KSR2: variants seen among roughly 807,000 people sequenced by gnomAD.
The protein encoded by KSR2 is kinase suppressor of ras 2.
KSR2 carries 25 observed loss-of-function variants against 107.8 expected under a neutral mutation model. The observed-to-expected ratio is 0.23, with a 90% confidence interval of 0.17 to 0.32. KSR2 has a LOEUF of 0.32. Among genes scored for constraint, KSR2 ranks in the 10% least tolerant of loss-of-function variants. The probability of loss-of-function intolerance (pLI) is 1.00; values close to 1 mark genes in which losing one functional copy is unlikely to be tolerated. For missense variants in KSR2, 887 were observed against 1,268.9 expected (o/e 0.70, Z 4.57); for synonymous variants, 480 against 507.0 (o/e 0.95, Z 0.71).
chr12:117,765,468 T>C (rs1889192336), intron 3 of KSR2, among the ~76,000 whole-genome samples: 1 of 152,146 alleles, frequency 6.6e-6, no homozygotes, highest in Admixed American at 6.5e-5. Flanking sequence ...TGGGGGCTCA[T>C]AAAATGGGAA....
At chr12:117,872,553 A>G (rs1893685252) in intron 1 of KSR2, among the ~76,000 whole-genome samples, 1 of 151,826 alleles carries the variant, frequency 6.6e-6, no homozygotes, top group African/African-American at 2.4e-5. Context: ...CAGCAGAGCA[A>G]GACGCTGTCT....
At chr12:117,587,588 T>C (rs568199400) in intron 5 of KSR2, among the ~76,000 whole-genome samples, 1 of 152,282 alleles carries the variant, frequency 6.6e-6, no homozygotes, top group African/African-American at 2.4e-5. Context: ...AGCCGCTGAG[T>C]TGGTGGCCGT....
intron 3 of KSR2, among the ~76,000 whole-genome samples, chr12:117,834,848 A>G (rs140156256): frequency 6.6e-6 from 1 of 152,222 alleles, no homozygotes; most frequent in Non-Finnish European, 1.5e-5. Flanking sequence ...ACAAATGCAA[A>G]GGTGGGAATT....
chr12:117,832,909 G>A (rs1463507516), intron 3 of KSR2, among the ~76,000 whole-genome samples: 3 of 152,218 alleles, frequency 2.0e-5, no homozygotes, highest in Non-Finnish European at 2.9e-5. Context: ...TGAAGTCCAC[G>A]GGCTTTCAGA....
chr12:117,882,964 A>G (rs966872123), intron 1 of KSR2, among the ~76,000 whole-genome samples: 1 of 151,614 alleles, frequency 6.6e-6, no homozygotes, highest in Non-Finnish European at 1.5e-5. Context: ...CAATCCAACC[A>G]TACATCCAAG....
intron 3 of KSR2, among the ~76,000 whole-genome samples, chr12:117,799,508 AAAG>A (rs1433690283): frequency 7.9e-5 from 12 of 152,088 alleles, no homozygotes. Context: ...CCAAAAAAAA[AAAG>A]AAAAAAAAAG....
At chr12:117,961,134 C>A (rs1896647210) in intron 1 of KSR2, among the ~76,000 whole-genome samples, 1 of 152,126 alleles carries the variant, frequency 6.6e-6, no homozygotes, top group Non-Finnish European at 1.5e-5. Context: ...AAACTTCATT[C>A]TCCATTTTCT....
chr12:117,853,815 T>G (rs1047114379), intron 3 of KSR2, among the ~76,000 whole-genome samples: 1 of 152,140 alleles, frequency 6.6e-6, no homozygotes, highest in Non-Finnish European at 1.5e-5. Context: ...AAGAGTAACA[T>G]GACCTTTACA....
intron 4 of KSR2, among the ~76,000 whole-genome samples, chr12:117,688,514 C>T (rs1885678932): frequency 6.6e-6 from 1 of 152,170 alleles, no homozygotes; most frequent in African/African-American, 2.4e-5. Flanking sequence ...TTCAAGCTCC[C>T]CAGAACCACT....
At chr12:117,539,534 T>C (rs1876310364) in intron 10 of KSR2, 185 bp downstream of exon 10, 2 of 533,940 alleles carry the variant, frequency 3.7e-6, no homozygotes, top group East Asian at 3.4e-5. Flanking sequence ...ATAAGTGATA[T>C]AAGGGTAATT....
intron 1 of KSR2, 73 bp from the exon 2 acceptor site, chr12:117,860,504 C>G (rs1011274620): frequency 2.9e-5 from 41 of 1,433,882 alleles, no homozygotes; most frequent in Non-Finnish European, 3.4e-5. Flanking sequence ...CGAGAACCCC[C>G]TACGAACCCC....
At chr12:117,622,820 C>T (rs978647394) in intron 5 of KSR2, among the ~76,000 whole-genome samples, 4 of 152,222 alleles carry the variant, frequency 2.6e-5, no homozygotes, top group African/African-American at 9.6e-5. Context: ...TTTCTTGAAC[C>T]TCTTTTATGT....
rs1476591260 is a variant in KSR2, at chr12:117,519,927, T to C, written c.2219+4925A>G. Reference sequence around the variant, plus strand: ...TAATAGGCCAGTGGTTCTTAAACTGTGGCGTGAACAAAATCCCCTGGCACT... The same window carrying C: ...TAATAGGCCAGTGGTTCTTAAACTGCGGCGTGAACAAAATCCCCTGGCACT... On this transcript the variant is annotated intron_variant, in intron 14 of 19. Transcript: ENST00000339824. 5.9e-5 allele frequency among the ~76,000 whole-genome samples: 9 copies of C among 152,112 alleles called. No homozygotes were observed. In the East Asian group the frequency reaches 1.3e-3, roughly 23 times the overall value.
chr12:117,923,448 AG>A (rs1895406767), intron 1 of KSR2, among the ~76,000 whole-genome samples: 1 of 152,178 alleles, frequency 6.6e-6, no homozygotes, highest in African/African-American at 2.4e-5. Context: ...GCACTTTGGA[AG>A]GCCAAAGTGG....
intron 3 of KSR2, among the ~76,000 whole-genome samples, chr12:117,839,480 T>C (rs568291999): frequency 2.2e-4 from 34 of 152,306 alleles, no homozygotes; most frequent in African/African-American, 7.7e-4. Flanking sequence ...TATCTGACGA[T>C]TAAGTGAAAT....
At chr12:117,964,700 CT>C (rs1298713350) in intron 1 of KSR2, among the ~76,000 whole-genome samples, 1 of 152,166 alleles carries the variant, frequency 6.6e-6, no homozygotes, top group Non-Finnish European at 1.5e-5. Flanking sequence ...TCTTTCAATC[CT>C]TATAACCATC....
intron 4 of KSR2, among the ~76,000 whole-genome samples, chr12:117,730,649 C>T (rs1593176134): frequency 6.6e-6 from 1 of 152,202 alleles, no homozygotes; most frequent in East Asian, 1.9e-4. Context: ...CCTGGGATTG[C>T]AGGCACGCGC....
intron 1 of KSR2, among the ~76,000 whole-genome samples, chr12:117,882,036 G>T (rs1379061829): frequency 6.6e-6 from 1 of 152,170 alleles, no homozygotes; most frequent in Non-Finnish European, 1.5e-5. Flanking sequence ...AAAAGCAACT[G>T]TAAGTCTCAG....
At chr12:117,742,482 AG>A (rs1888252704) in intron 4 of KSR2, among the ~76,000 whole-genome samples, 1 of 141,546 alleles carries the variant, frequency 7.1e-6, no homozygotes, top group Non-Finnish European at 1.6e-5. Flanking sequence ...CAAATGGTTC[AG>A]AAAACATATG....
Sources: gnomAD v4.1 joint callset for allele counts (sites outside exome capture counted in the v4.1 genomes callset) on GRCh38, gnomAD v4.1.1 for gene constraint, MANE v1.5 for transcripts, NCBI Gene and HGNC (gene_info 2026-07-23, HGNC 2026-07-21) for gene names.